P2RX6: variants seen among roughly 807,000 people sequenced by gnomAD.
The protein encoded by P2RX6 is P2X purinoceptor 6.
A neutral mutation model predicts 54.2 loss-of-function variants in P2RX6; 62 were observed. The ratio of observed to expected loss-of-function variants is 1.14; its 90% confidence interval spans 0.93 to 1.41. P2RX6 has a LOEUF of 1.41. Among genes scored for constraint, P2RX6 ranks in the 40% most tolerant of loss-of-function variants. P2RX6 has a pLI of 0.00. For synonymous variants in P2RX6, 211 were observed against 231.9 expected (o/e 0.91, Z 0.82); for missense variants, 541 against 566.3 (o/e 0.96, Z 0.45).
upstream of P2RX6, chr22:21,011,701 C>T: frequency 1.6e-6 from 1 of 638,128 alleles, no homozygotes; most frequent in Non-Finnish European, 2.9e-6. Context: ...AGGAAAAGGA[C>T]TTACAGGTTA....
At chr22:21,017,909 C>T (rs1440498091) in intron 2 of P2RX6, 80 bp from the exon 3 acceptor site, 7 of 854,162 alleles carry the variant, frequency 8.2e-6, no homozygotes, top group Non-Finnish European at 1.4e-5. Context: ...CATCCCTTCC[C>T]TCATAAACCA....
chr22:21,015,127 C>T, upstream of P2RX6: 3 of 1,260,492 alleles, frequency 2.4e-6, no homozygotes, highest in Non-Finnish European at 3.2e-6. Context: ...TGGCTCGGGC[C>T]CTGCTTTGCC....
In P2RX6 at chr22:21,015,657, G is replaced by A. The variant is rs1806678028; in HGVS notation, c.165-285G>A. 2.0e-5 allele frequency among the ~76,000 whole-genome samples: 3 copies of A among 152,126 alleles called. No individual in the cohort carries two copies. The South Asian group carries it at 6.2e-4, about 32-fold the overall frequency. On this transcript the variant is annotated intron_variant, in intron 1 of 11. Coordinates refer to ENST00000413302, the MANE Select transcript of P2RX6 (RefSeq NM_005446.5). ...AGAGAGACCACCAGCTGTATCTCGG[G>A]TCAGGAGAGTCTGTAAGGGGGAAGC...
intron 2 of P2RX6, among the ~76,000 whole-genome samples, chr22:21,017,673 A>G (rs529951698): frequency 4.9e-4 from 75 of 152,290 alleles, no homozygotes; most frequent in African/African-American, 1.8e-3. Flanking sequence ...ACTGATCACA[A>G]CACTACACTC....
chr22:21,025,047 A>G (rs1386817592), intron 8 of P2RX6, among the ~76,000 whole-genome samples: 1 of 150,176 alleles, frequency 6.7e-6, no homozygotes, highest in Non-Finnish European at 1.5e-5. Flanking sequence ...CACCCAGCTA[A>G]TTTTTGTGTT....
upstream of P2RX6, chr22:21,011,557 G>A: frequency 1.4e-6 from 1 of 715,366 alleles, no homozygotes; most frequent in Admixed American, 2.0e-5. Flanking sequence ...CTGGGCTCCT[G>A]CCACTCCCAG....
At position 21,026,478 on chromosome 22, in the gene P2RX6, A is replaced by C; in HGVS notation, c.1187A>C (p.Gln396Pro). The C allele has an allele frequency of 6.2e-7, 1 of 1,601,934 alleles. No homozygotes were observed. The highest frequency in any genetic ancestry group is 8.5e-7 in the Non-Finnish European group (1 of 1,174,876). ...TGGAGGGAGCTGGCCCTTGCATCCCAAGCCCGACTGGCCGAGTGCCTCAGA... is the reference window on the plus strand; with the variant it reads ...TGGAGGGAGCTGGCCCTTGCATCCCCAGCCCGACTGGCCGAGTGCCTCAGA... ...SVWRELALAS[Q>P]ARLAECLRRS... is the part of the protein sequence containing the mutation. The change falls in exon 12 of 12, where the codon CAA (glutamine) becomes CCA (proline). Residue 396 changes from glutamine to proline, a missense_variant. By Grantham distance (76) the Gln-to-Pro change is moderately conservative. Around this residue, in one of 2 missense-constraint regions of P2RX6, gnomAD observed 526 missense variants for 531.5 expected, o/e 0.99. Coordinates refer to ENST00000413302, the MANE Select transcript of P2RX6 (RefSeq NM_005446.5). The surrounding 1 kb of genome is among the most constrained non-coding windows in gnomAD (Gnocchi z 4.0).
At position 21,023,274 on chromosome 22, in the gene P2RX6, G is replaced by A. The variant is rs764741371; in HGVS notation, c.639-1G>A. ...CATCTGACCTTTCCCACTCCTCCCA[G>A]GTCCAATGCCTTGGAGACCTGGGAC... On this transcript the variant is annotated splice_acceptor_variant, in intron 6 of 11. Transcript: ENST00000413302. LOFTEE classifies it high-confidence loss of function. 6.2e-7 allele frequency: 1 copy of A among 1,613,924 alleles called. No homozygotes were observed. The highest frequency in any genetic ancestry group is 8.5e-7 in the Non-Finnish European group (1 of 1,179,870).
At chr22:21,015,404 C>G in intron 1 of P2RX6, 66 bp downstream of exon 1, 1 of 1,488,488 alleles carries the variant, frequency 6.7e-7, no homozygotes, top group South Asian at 1.3e-5. Context: ...GGGGCTTGGT[C>G]CTGCTGGGTT....
At chr22:21,010,824 C>A (rs1925698021), upstream of P2RX6, among the ~76,000 whole-genome samples, 1 of 152,084 alleles carries the variant, frequency 6.6e-6, no homozygotes, top group Non-Finnish European at 1.5e-5. Flanking sequence ...CTCCACCCCA[C>A]AGCCTGGCCA....
At chr22:21,020,621 C>T (rs976024007) in intron 3 of P2RX6, among the ~76,000 whole-genome samples, 7 of 142,834 alleles carry the variant, frequency 4.9e-5, no homozygotes, top group African/African-American at 1.0e-4. Flanking sequence ...GACAGAGTCT[C>T]GCTCTGTCAC....
chr22:21,024,869 T>G, intron 8 of P2RX6, among the ~76,000 whole-genome samples: 1 of 87,678 alleles, frequency 1.1e-5, no homozygotes, highest in Non-Finnish European at 2.2e-5. Flanking sequence ...CCAAGCCTGT[T>G]TTTTTTGTGT....
At chr22:21,011,598 A>T (rs2516552), upstream of P2RX6, 77,450 of 714,290 alleles carry the variant, frequency 0.11, 4,595 homozygotes, top group South Asian at 0.14. Flanking sequence ...CATCTGGGGG[A>T]CGGAGCCACT....
rs560691741 is a variant in P2RX6, at chr22:21,018,658, C to T, written c.387+598C>T. On this transcript the variant is annotated intron_variant, in intron 3 of 11. Transcript: ENST00000413302. ...AGACGGAGTTTCACTCTGTCACCCA[C>T]GCTGGAGTGCAGTGGCAGATATCAG... 1.6e-4 allele frequency: 25 copies of T among 156,806 alleles called. No individual in the cohort carries two copies. In the South Asian group the frequency reaches 2.9e-3, roughly 18 times the overall value. The allele number at this position is 156,806 out of a possible 1,614,324, so 9.7% of individuals were successfully genotyped here. A position where few individuals can be genotyped will look rare whatever the true frequency, so the allele number is the denominator to read the frequency against.
rs1198951790 is a variant in P2RX6 at position 21,017,734 on chromosome 22, G to GCA, written c.316-242_316-241dup. On this transcript the variant is annotated intron_variant, in intron 2 of 11. Transcript: ENST00000413302. ...TGTCTCTAAATACACACATACACAT[G>GCA]CACACACACACACAAATTTTGGTTG... Among the ~76,000 whole-genome samples, 6 of 151,724 alleles carry GCA rather than the reference G, an allele frequency of 4.0e-5. No individual in the cohort carries two copies. In the East Asian group the frequency reaches 9.7e-4, roughly 25 times the overall value.
At chr22:21,023,669 A>T (rs929671) in intron 8 of P2RX6, 51 bp downstream of exon 8, 5 of 1,365,710 alleles carry the variant, frequency 3.7e-6, no homozygotes, top group Non-Finnish European at 5.1e-6. Context: ...TCGCCCTCTC[A>T]CTGTGGCGGC....
At position 21,018,261 on chromosome 22, in the gene P2RX6, C is replaced by T. The variant is rs551494522; in HGVS notation, c.387+201C>T. 12 of 574,026 alleles carry T rather than the reference C, an allele frequency of 2.1e-5. No homozygotes were observed. In the East Asian group the frequency reaches 2.5e-4, roughly 12 times the overall value. The allele number at this position is 574,026 out of a possible 1,614,324, so 35.6% of individuals were successfully genotyped here. A position where few individuals can be genotyped will look rare whatever the true frequency, so the allele number is the denominator to read the frequency against. On this transcript the variant is annotated intron_variant, in intron 3 of 11. Coordinates refer to ENST00000413302, the MANE Select transcript of P2RX6 (RefSeq NM_005446.5). ...CCTGCCTGGTAGGAAGTCCTGTGAT[C>T]CCCATTTCAGAGGAGAAGACTGAGG...
rs757807572 is a variant in P2RX6 at position 21,023,320 on chromosome 22, C to A, written c.684C>A (p.Cys228Ter). Residue 228 changes from cysteine (C) to a stop codon, truncating the protein, a stop_gained, in exon 7 of 12, where the codon TGC becomes TGA. Coordinates refer to ENST00000413302, the MANE Select transcript of P2RX6 (RefSeq NM_005446.5). LOFTEE classifies it high-confidence loss of function. ...GGGACCCCACCTATTTTAAGCACTGCCGCTATGAACCACAATTCAGCCCCT... is the reference window on the plus strand; with the variant it reads ...GGGACCCCACCTATTTTAAGCACTGACGCTATGAACCACAATTCAGCCCCT... The part of the protein sequence containing the change: ...ETWDPTYFKH[C>*]RYEPQFSPYC... 2 of 1,613,952 alleles carry A rather than the reference C, an allele frequency of 1.2e-6. No homozygotes were observed. The highest frequency in any genetic ancestry group is 1.7e-5 in the Admixed American group (1 of 60,020).
In P2RX6 at chr22:21,027,481, A is replaced by G. The variant is rs1928653302; in HGVS notation, c.*864A>G. The G allele has an allele frequency of 6.6e-6, 1 of 152,158 alleles. No homozygotes were observed. The highest frequency in any genetic ancestry group is 2.4e-5 in the African/African-American group (1 of 41,326). The allele number at this position is 152,158 out of a possible 1,614,324, so 9.4% of individuals were successfully genotyped here. ...GGCTGTGGGAGGCTGTACATCTGAA[A>G]TTCACTTCAGTCCAAGTCATACCTA... is the stretch of plus-strand genomic sequence containing the variant. On this transcript the variant is annotated 3_prime_UTR_variant, in exon 12 of 12. Coordinates refer to ENST00000413302, the MANE Select transcript of P2RX6 (RefSeq NM_005446.5).
Sources: allele counts gnomAD v4.1 joint callset (sites outside exome capture counted in the v4.1 genomes callset), GRCh38; gene constraint gnomAD v4.1.1; regional missense constraint gnomAD v4.1.1; non-coding constraint Gnocchi (gnomAD v3.1); transcripts MANE v1.5; gene names NCBI Gene and HGNC (gene_info 2026-07-23, HGNC 2026-07-21).